USP6NL: variants seen among roughly 807,000 people sequenced by gnomAD.
USP6NL encodes USP6 N-terminal-like protein.
A neutral mutation model predicts 61.9 loss-of-function variants in USP6NL; 26 were observed. The ratio of observed to expected loss-of-function variants is 0.42; its 90% confidence interval spans 0.31 to 0.58. The LOEUF (loss-of-function observed/expected upper bound fraction) is 0.58, where lower values mean the gene tolerates loss of function less well. Among genes scored for constraint, USP6NL ranks in the 20% least tolerant of loss-of-function variants. USP6NL has a pLI of 0.16. For synonymous variants in USP6NL, 432 were observed against 390.1 expected (o/e 1.11, Z -1.27); for missense variants, 1,114 against 1,034.3 (o/e 1.08, Z -1.06).
At chr10:11,529,124 A>G (rs1340575934) in intron 2 of USP6NL, among the ~76,000 whole-genome samples, 1 of 152,190 alleles carries the variant, frequency 6.6e-6, no homozygotes, top group East Asian at 1.9e-4. Context: ...CTGAATCTTT[A>G]AGCCAAATAT....
At chr10:11,603,755 CA>C (rs1838626119) in intron 1 of USP6NL, among the ~76,000 whole-genome samples, 1 of 152,166 alleles carries the variant, frequency 6.6e-6, no homozygotes, top group South Asian at 2.1e-4. Flanking sequence ...CAGCCATCTG[CA>C]GCTAACAGAA....
At chr10:11,608,934 G>A (rs1838791275) in intron 1 of USP6NL, among the ~76,000 whole-genome samples, 1 of 152,064 alleles carries the variant, frequency 6.6e-6, no homozygotes, top group Non-Finnish European at 1.5e-5. Context: ...GCTACAAGTT[G>A]GATTTCTTTT....
At chr10:11,502,305 CT>C (rs1019952009) in intron 6 of USP6NL, among the ~76,000 whole-genome samples, 15 of 151,888 alleles carry the variant, frequency 9.9e-5, no homozygotes, top group African/African-American at 3.6e-4. Context: ...TCCCTCCATC[CT>C]TGAAAGTGTA....
At chr10:11,533,395 G>T (rs1835727720) in intron 2 of USP6NL, among the ~76,000 whole-genome samples, 2 of 152,196 alleles carry the variant, frequency 1.3e-5, no homozygotes, top group African/African-American at 4.8e-5. Flanking sequence ...CCTAACCCCT[G>T]GAATCTGTAA....
Position 11,493,169 on chromosome 10 carries a change from G to C in USP6NL, c.444C>G (p.Val148=). 1 of 1,612,602 alleles carries C rather than the reference G, an allele frequency of 6.2e-7. No individual in the cohort carries two copies. The highest frequency in any genetic ancestry group is 8.5e-7 in the Non-Finnish European group (1 of 1,179,294). ...TAATGTGGTCCCGAAATGTGCGGTTGACATCCAGGTCTATTTGTCTGATGT... is the reference window on the plus strand; with the variant it reads ...TAATGTGGTCCCGAAATGTGCGGTTCACATCCAGGTCTATTTGTCTGATGT... ...SPDIRQIDLD[V]NRTFRDHIMF... The change falls in exon 8 of 15, where the codon GTC becomes GTG. Residue 148 remains valine, a synonymous_variant. Coordinates refer to ENST00000609104, the MANE Select transcript of USP6NL (RefSeq NM_014688.5).
At position 11,481,915 on chromosome 10, in the gene USP6NL, T is replaced by C. The variant is rs564717641; in HGVS notation, c.933A>G (p.Leu311=). 9 of 1,606,222 alleles carry C rather than the reference T, an allele frequency of 5.6e-6. No homozygotes were observed. The Admixed American group carries it at 8.5e-5, about 15-fold the overall frequency. Residue 311 remains leucine (L), a synonymous_variant, in exon 14 of 15, where the codon CTA becomes CTG. Coordinates refer to ENST00000609104, the MANE Select transcript of USP6NL (RefSeq NM_014688.5). The surrounding 1 kb of genome is among the most constrained non-coding windows in gnomAD (Gnocchi z 4.4). ...YTILKLHKKH[L]MKLSMEELVE... ...CAAGTTCTTCCATGGACAATTTCAT[T>C]AGATGTTCTAAGAAAGGATAAGAGA...
rs1016259438 is a variant in USP6NL at position 11,598,324 on chromosome 10, T to C, written c.-83-607A>G. Among the ~76,000 whole-genome samples, 1 of 152,214 alleles carries C rather than the reference T, an allele frequency of 6.6e-6. No homozygotes were observed. Among genetic ancestry groups the C allele is most frequent in the Non-Finnish European group, 1.5e-5 (1 of 68,020 alleles). On this transcript the variant is annotated intron_variant, in intron 1 of 14. Transcript: ENST00000609104. The surrounding 1 kb of genome is among the most constrained non-coding windows in gnomAD (Gnocchi z 4.7). ...CATATTTCCTTTCAAGCCATTTTTTTTCTAAGTATTTTAAAAATATACTTG... is the reference window on the plus strand; with the variant it reads ...CATATTTCCTTTCAAGCCATTTTTTCTCTAAGTATTTTAAAAATATACTTG...
chr10:11,524,881 C>T (rs931369908), intron 4 of USP6NL, among the ~76,000 whole-genome samples: 1 of 152,106 alleles, frequency 6.6e-6, no homozygotes, highest in Admixed American at 6.5e-5. Flanking sequence ...AACTGCTTTA[C>T]TTTATGTGAT....
rs1338177436 is a variant in USP6NL at position 11,460,649 on chromosome 10, ATATAT to A, written c.*1787_*1791del. The A allele has an allele frequency of 1.5e-4, 22 of 144,822 alleles. No individual in the cohort carries two copies. The East Asian group carries it at 1.6e-3, about 10-fold the overall frequency. 9.0% of individuals were successfully genotyped at this position (144,822 alleles called of 1,614,324 possible). ...CATATATATATATATATATATATAT[ATATAT>A]AAAAATCTACAGTATTTACCACTGT... On this transcript the variant is annotated 3_prime_UTR_variant, in exon 15 of 15. Transcript: ENST00000609104.
intron 14 of USP6NL, among the ~76,000 whole-genome samples, chr10:11,466,887 A>C (rs1832482641): frequency 6.6e-6 from 1 of 152,218 alleles, no homozygotes. Context: ...GACAGTGAAA[A>C]TACGCTATTT....
intron 3 of USP6NL, among the ~76,000 whole-genome samples, chr10:11,526,211 T>G (rs868557257): frequency 5.9e-5 from 9 of 152,184 alleles, no homozygotes; most frequent in African/African-American, 2.2e-4. Context: ...TCTTAGGCTA[T>G]TAACTAACAC....
rs1348764418 is a variant in USP6NL, at chr10:11,485,769, T to C, written c.759+48A>G. On this transcript the variant is annotated intron_variant, in intron 11 of 14. Coordinates refer to ENST00000609104, the MANE Select transcript of USP6NL (RefSeq NM_014688.5). The surrounding 1 kb of genome is among the most constrained non-coding windows in gnomAD (Gnocchi z 4.8). ...AAGACAATTTAATTATCCCAGCTTT[T>C]TTTGGGGGGTGGGTAGGTGGGTGTA... The C allele has an allele frequency of 1.6e-6, 2 of 1,281,478 alleles. No homozygotes were observed. The highest frequency in any genetic ancestry group is 3.0e-5 in the African/African-American group (2 of 65,924). 79.4% of individuals were successfully genotyped at this position (1,281,478 alleles called of 1,614,324 possible).
At chr10:11,610,430 T>C (rs889928095) in intron 1 of USP6NL, among the ~76,000 whole-genome samples, 2 of 152,180 alleles carry the variant, frequency 1.3e-5, no homozygotes, top group Non-Finnish European at 2.9e-5. Flanking sequence ...GACTTCCCCC[T>C]GAAGGAACTT....
intron 2 of USP6NL, among the ~76,000 whole-genome samples, chr10:11,571,090 T>C (rs1837343303): frequency 2.0e-5 from 3 of 151,582 alleles, no homozygotes; most frequent in Non-Finnish European, 4.4e-5. Context: ...AATAATTCTT[T>C]TTTTTTTTTT....
rs957948344 is a variant in USP6NL, at chr10:11,602,755, T to C, written c.-83-5038A>G. Among the ~76,000 whole-genome samples, 8 of 152,222 alleles carry C rather than the reference T, an allele frequency of 5.3e-5. No homozygotes were observed. The highest frequency in any genetic ancestry group is 1.3e-4 in the Admixed American group (2 of 15,276). ...TTTTTGGGATGCTCAACTGGTATAA[T>C]GCAAATATTCCAAAATCTGAAAAAA... On this transcript the variant is annotated intron_variant, in intron 1 of 14. Transcript: ENST00000609104. This position sits in a 1 kb window ranked among gnomAD's most constrained non-coding sequence, Gnocchi z 4.8.
intron 2 of USP6NL, among the ~76,000 whole-genome samples, chr10:11,538,141 T>C (rs1835907609): frequency 6.6e-6 from 1 of 152,226 alleles, no homozygotes; most frequent in African/African-American, 2.4e-5. Flanking sequence ...CTGGGTCAGC[T>C]TCTATTATTT....
In USP6NL at chr10:11,561,702, G is replaced by A. The variant is rs866963354; in HGVS notation, c.5-34135C>T. ...GATCTTTGTGCATGTTATCTTTTGC[G>A]CAGATGCAGAAATGGTATTTCTATA... On this transcript the variant is annotated intron_variant, in intron 2 of 14. Transcript: ENST00000609104. The surrounding 1 kb of genome is among the most constrained non-coding windows in gnomAD (Gnocchi z 4.1). Among the ~76,000 whole-genome samples, 2 of 152,138 alleles carry A rather than the reference G, an allele frequency of 1.3e-5. No homozygotes were observed. The highest frequency in any genetic ancestry group is 1.9e-4 in the East Asian group (1 of 5,196).
rs950326283 is a variant in USP6NL, at chr10:11,463,991, G to A, written c.1079-142C>T. 9 of 834,068 alleles carry A rather than the reference G, an allele frequency of 1.1e-5. No individual in the cohort carries two copies. The highest frequency in any genetic ancestry group is 1.6e-5 in the Non-Finnish European group (9 of 551,258). The allele number at this position is 834,068 out of a possible 1,614,324, so 51.7% of individuals were successfully genotyped here. On this transcript the variant is annotated intron_variant, in intron 14 of 14. Transcript: ENST00000609104. The surrounding 1 kb of genome is among the most constrained non-coding windows in gnomAD (Gnocchi z 6.3). ...ACAACACACTGTCATACAACACACT[G>A]TTTATACCACTTACACACACTGTTT... is the stretch of plus-strand genomic sequence containing the variant.
rs1838465219 is a variant in USP6NL at position 11,600,003 on chromosome 10, G to A, written c.-83-2286C>T. Among the ~76,000 whole-genome samples, 1 of 151,982 alleles carries A rather than the reference G, an allele frequency of 6.6e-6. No homozygotes were observed. The highest frequency in any genetic ancestry group is 2.4e-5 in the African/African-American group (1 of 41,378). Reference sequence around the variant, plus strand: ...GTAAGGAGTCTACCAATTGTTATATGGAACAAGGTAGTTGAGCAGCACACA... The same window carrying A: ...GTAAGGAGTCTACCAATTGTTATATAGAACAAGGTAGTTGAGCAGCACACA... On this transcript the variant is annotated intron_variant, in intron 1 of 14. Transcript: ENST00000609104. The surrounding 1 kb of genome is among the most constrained non-coding windows in gnomAD (Gnocchi z 4.1).
Sources: gnomAD v4.1 joint callset for allele counts (sites outside exome capture counted in the v4.1 genomes callset) on GRCh38, gnomAD v4.1.1 for gene constraint, Gnocchi (gnomAD v3.1) non-coding constraint, MANE v1.5 for transcripts, NCBI Gene and HGNC (gene_info 2026-07-23, HGNC 2026-07-21) for gene names.